Variants in ZFYVE28 observed in about 807,000 individuals in gnomAD.
ZFYVE28 encodes the protein zinc finger FYVE-type containing 28, also known as lateral signaling target protein 2 homolog.
A neutral mutation model predicts 82.1 loss-of-function variants in ZFYVE28; 40 were observed. The observed-to-expected ratio is 0.49, with a 90% confidence interval of 0.38 to 0.63. The LOEUF (loss-of-function observed/expected upper bound fraction) is 0.63, where lower values mean the gene tolerates loss of function less well. ZFYVE28 is among the 30% of genes least tolerant of loss of function. ZFYVE28 has a pLI of 0.00. For synonymous variants in ZFYVE28, 612 were observed against 546.1 expected, an observed-to-expected ratio of 1.12 and a Z score of -1.68; for missense variants, 1,321 against 1,242.1, an observed-to-expected ratio of 1.06 and a Z score of -0.96.
intron 1 of ZFYVE28, among the ~76,000 whole-genome samples, chr4:2,386,038 T>A (rs1729222744): frequency 6.6e-6 from 1 of 152,196 alleles, no homozygotes; most frequent in African/African-American, 2.4e-5. Context: ...TCTTTTCTGT[T>A]CCCACCAAAA....
intron 2 of ZFYVE28, among the ~76,000 whole-genome samples, chr4:2,348,378 TAAG>T (rs1723885287): frequency 1.3e-5 from 2 of 152,160 alleles, no homozygotes; most frequent in African/African-American, 4.8e-5. Flanking sequence ...ACCAAACATT[TAAG>T]AAGAACTAAC....
chr4:2,338,052 C>T (rs778765853), intron 4 of ZFYVE28, among the ~76,000 whole-genome samples: 4 of 152,230 alleles, frequency 2.6e-5, no homozygotes, highest in Non-Finnish European at 5.9e-5. Context: ...CAGTGCTGCC[C>T]ATGTGCGGGA....
In ZFYVE28 at chr4:2,320,804, A is replaced by G. The variant is rs1324258565; in HGVS notation, c.702-533T>C. Among the ~76,000 whole-genome samples, 2 of 151,858 alleles carry G rather than the reference A, an allele frequency of 1.3e-5. No homozygotes were observed. Among genetic ancestry groups the G allele is most frequent in the Non-Finnish European group, 2.9e-5 (2 of 67,944 alleles). ...AGCAGCCTCCCCTCATCCCCCACACAGGACCCACCTCCCTTGTGGTGCCCA... is the reference window on the plus strand; with the variant it reads ...AGCAGCCTCCCCTCATCCCCCACACGGGACCCACCTCCCTTGTGGTGCCCA... On this transcript the variant is annotated intron_variant, in intron 6 of 12. Coordinates refer to ENST00000290974, the MANE Select transcript of ZFYVE28 (RefSeq NM_020972.3). The surrounding 1 kb of genome is among the most constrained non-coding windows in gnomAD (Gnocchi z 5.1).
chr4:2,340,682 C>T (rs1199101474), intron 3 of ZFYVE28, among the ~76,000 whole-genome samples: 1 of 152,200 alleles, frequency 6.6e-6, no homozygotes, highest in African/African-American at 2.4e-5. Context: ...GCCCCAGGAC[C>T]CACTCCACGG....
intron 1 of ZFYVE28, among the ~76,000 whole-genome samples, chr4:2,389,638 G>A (rs61790691): frequency 0.015 from 2,359 of 152,302 alleles, 24 homozygotes; most frequent in Non-Finnish European, 0.023. Flanking sequence ...ACAGCCCTGC[G>A]TTGGAAGCAT....
chr4:2,413,088 C>A (rs1165985785), intron 1 of ZFYVE28, among the ~76,000 whole-genome samples: 1 of 152,224 alleles, frequency 6.6e-6, no homozygotes, highest in African/African-American at 2.4e-5. Flanking sequence ...GAGTGATGCT[C>A]GCCCTCTGTC....
chr4:2,278,968 A>C (rs1279713098), intron 8 of ZFYVE28, among the ~76,000 whole-genome samples: 1 of 149,722 alleles, frequency 6.7e-6, no homozygotes, highest in Non-Finnish European at 1.5e-5. Context: ...GAAAATATGA[A>C]GTTGTGGTGA....
intron 1 of ZFYVE28, among the ~76,000 whole-genome samples, chr4:2,358,998 A>G (rs1195622307): frequency 1.4e-5 from 2 of 139,336 alleles, no homozygotes; most frequent in Non-Finnish European, 3.0e-5. Flanking sequence ...TTTTTGAGAC[A>G]GAGTCTCGCT....
chr4:2,310,212 A>G (rs757151124), intron 7 of ZFYVE28, among the ~76,000 whole-genome samples: 15 of 151,742 alleles, frequency 9.9e-5, no homozygotes, highest in Non-Finnish European at 1.6e-4. Context: ...CTAATTTGTA[A>G]ATTTTTTGTA....
At position 2,321,779 on chromosome 4, in the gene ZFYVE28, T is replaced by C. The variant is rs184194233; in HGVS notation, c.702-1508A>G. 1.7e-3 allele frequency among the ~76,000 whole-genome samples: 254 copies of C among 152,142 alleles called. 3 individuals are homozygous for C. The highest frequency in any genetic ancestry group is 5.9e-3 in the African/African-American group (245 of 41,502). ...CTCCCCTGCTGAGCATAGGACTCAG[T>C]CCCGCAATGACCTGTGTACCCAACG... On this transcript the variant is annotated intron_variant, in intron 6 of 12. Transcript: ENST00000290974.
Position 2,305,397 on chromosome 4 carries a change from G to C in ZFYVE28, c.943C>G (p.Pro315Ala). Residue 315 changes from proline to alanine, a missense_variant, in exon 8 of 13, where the codon CCC becomes GCC. Physicochemically the swap from Pro to Ala is conservative, Grantham distance 27 (BLOSUM62 -1). This residue lies in a region of ZFYVE28 where 978 missense variants were observed against 833.7 expected (regional missense o/e 1.17). Transcript: ENST00000290974. ...ALAPALSAPL[P>A]PEGPLSAKAK... ...TTAGCTGAGAGTGGCCCCTCAGGGGGGAGAGGGGCAGAGAGGGCAGGCGCC... is the reference window on the plus strand; with the variant it reads ...TTAGCTGAGAGTGGCCCCTCAGGGGCGAGAGGGGCAGAGAGGGCAGGCGCC... The C allele has an allele frequency of 6.2e-7, 1 of 1,612,788 alleles. No individual in the cohort carries two copies. Among genetic ancestry groups the C allele is most frequent in the Admixed American group, 1.7e-5 (1 of 60,020 alleles).
chr4:2,278,966 G>T (rs997195642), intron 8 of ZFYVE28, among the ~76,000 whole-genome samples: 2 of 148,028 alleles, frequency 1.4e-5, no homozygotes, highest in African/African-American at 2.5e-5. Context: ...CAGAAAATAT[G>T]AAGTTGTGGT....
chr4:2,309,244 C>G (rs986317581), intron 7 of ZFYVE28, among the ~76,000 whole-genome samples: 23 of 152,198 alleles, frequency 1.5e-4, no homozygotes, highest in Admixed American at 3.9e-4. Context: ...CCTCCTGCTT[C>G]TCTGCCACGT....
intron 2 of ZFYVE28, among the ~76,000 whole-genome samples, chr4:2,353,007 C>T (rs1403178722): frequency 1.3e-5 from 2 of 152,226 alleles, no homozygotes; most frequent in African/African-American, 2.4e-5. Flanking sequence ...CTCCTGGGGG[C>T]AGGGACTCTC....
intron 6 of ZFYVE28, among the ~76,000 whole-genome samples, chr4:2,326,373 T>A (rs896383062): frequency 6.6e-6 from 1 of 152,232 alleles, no homozygotes; most frequent in Non-Finnish European, 1.5e-5. Context: ...GGCTCTTTAT[T>A]CTGTTCCACT....
rs1181079818 is a variant in ZFYVE28 at position 2,335,297 on chromosome 4, C to T, written c.701+408G>A. On this transcript the variant is annotated intron_variant, in intron 6 of 12. Transcript: ENST00000290974. The surrounding 1 kb of genome is among the most constrained non-coding windows in gnomAD (Gnocchi z 5.8). Reference sequence around the variant, plus strand: ...GCCAATCACAGCCTCCTGAGGGACCCGGGGGGCAGCTCGTCCTCTTGTTAC... The same window carrying T: ...GCCAATCACAGCCTCCTGAGGGACCTGGGGGGCAGCTCGTCCTCTTGTTAC... 2.0e-5 allele frequency among the ~76,000 whole-genome samples: 3 copies of T among 152,088 alleles called. No individual in the cohort carries two copies. Among genetic ancestry groups the T allele is most frequent in the East Asian group, 1.9e-4 (1 of 5,172 alleles).
chr4:2,283,079 G>A (rs1177706770), intron 8 of ZFYVE28, among the ~76,000 whole-genome samples: 1 of 133,384 alleles, frequency 7.5e-6, no homozygotes, highest in African/African-American at 2.8e-5. Flanking sequence ...CAAATGGTGG[G>A]CTGGCTGCTT....
rs770599095 is a variant in ZFYVE28, at chr4:2,354,035, G to A, written c.78C>T (p.Ala26=). The change falls in exon 2 of 13, where the codon GCC becomes GCT. Residue 26 remains alanine (A), a synonymous_variant. Transcript: ENST00000290974. ...DPQLLARFYY[A]DEELNQVAAE... is the part of the protein sequence containing the mutation. Reference sequence around the variant, plus strand: ...CGGCCACCTGGTTCAGCTCCTCGTCGGCATAGTAGAACCGGGCAAGCAGCT... The same window carrying A: ...CGGCCACCTGGTTCAGCTCCTCGTCAGCATAGTAGAACCGGGCAAGCAGCT... 1.3e-5 allele frequency: 20 copies of A among 1,579,224 alleles called. No individual in the cohort carries two copies. The highest frequency in any genetic ancestry group is 7.1e-5 in the East Asian group (3 of 42,002).
intron 7 of ZFYVE28, among the ~76,000 whole-genome samples, chr4:2,312,783 A>G (rs775818257): frequency 6.8e-6 from 1 of 146,496 alleles, no homozygotes. Flanking sequence ...AGTGGCTCAC[A>G]CCTATAATCC....
Sources: gnomAD v4.1 joint callset for allele counts (sites outside exome capture counted in the v4.1 genomes callset) on GRCh38, gnomAD v4.1.1 for gene constraint, gnomAD v4.1.1 regional missense constraint, Gnocchi (gnomAD v3.1) non-coding constraint, MANE v1.5 for transcripts, NCBI Gene and HGNC (gene_info 2026-07-23, HGNC 2026-07-21) for gene names.